The following PTPRD variants were observed in gnomAD, a reference collection of about 807,000 sequenced individuals.
PTPRD encodes receptor-type tyrosine-protein phosphatase delta.
In PTPRD, 34 loss-of-function variants were observed where a neutral mutation model predicts 214.5. The observed-to-expected ratio is 0.16, with a 90% confidence interval of 0.12 to 0.21. The LOEUF (loss-of-function observed/expected upper bound fraction) is 0.21, where lower values mean the gene tolerates loss of function less well. Ranked by LOEUF, PTPRD falls within the 10% of genes least tolerant of loss-of-function variation. PTPRD has a pLI of 1.00. For synonymous variants in PTPRD, 1,128 were observed against 845.7 expected (o/e 1.33, Z -5.79); for missense variants, 2,545 against 2,398.7 (o/e 1.06, Z -1.27).
At chr9:8,651,360 G>A (rs992644586) in intron 12 of PTPRD, among the ~76,000 whole-genome samples, 4 of 152,102 alleles carry the variant, frequency 2.6e-5, no homozygotes, top group African/African-American at 9.7e-5. Context: ...AGCAAGCAGT[G>A]ATAATAATAG....
At chr9:9,921,333 ATC>A (rs563132672) in intron 5 of PTPRD, among the ~76,000 whole-genome samples, 4 of 152,110 alleles carry the variant, frequency 2.6e-5, no homozygotes, top group South Asian at 4.1e-4. Context: ...TAAAATAGAA[ATC>A]TCTTTTTGTA....
intron 10 of PTPRD, among the ~76,000 whole-genome samples, chr9:9,113,023 G>A (rs1309107598): frequency 2.0e-5 from 3 of 151,256 alleles, no homozygotes; most frequent in African/African-American, 7.3e-5. Context: ...TCAGTGCAGG[G>A]GCTCAATTAT....
intron 3 of PTPRD, among the ~76,000 whole-genome samples, chr9:10,328,666 C>T (rs144058775): frequency 7.4e-4 from 113 of 151,762 alleles, no homozygotes; most frequent in South Asian, 1.7e-3. Context: ...TTTGATTATA[C>T]GTTACATAAG....
intron 5 of PTPRD, among the ~76,000 whole-genome samples, chr9:9,783,727 A>G (rs1008950122): frequency 4.6e-5 from 7 of 151,668 alleles, no homozygotes; most frequent in Non-Finnish European, 1.0e-4. Context: ...ATTTTAATAT[A>G]TCTTGCCAAA....
At chr9:10,139,172 C>T (rs577341710) in intron 3 of PTPRD, among the ~76,000 whole-genome samples, 2 of 151,966 alleles carry the variant, frequency 1.3e-5, no homozygotes, top group South Asian at 4.1e-4. Context: ...GCACTTAGAA[C>T]TGATGAATTA....
intron 3 of PTPRD, among the ~76,000 whole-genome samples, chr9:10,156,266 G>A (rs992327034): frequency 1.3e-5 from 2 of 151,928 alleles, no homozygotes; most frequent in African/African-American, 2.4e-5. Context: ...TTTAATGTGA[G>A]GATTTAGTGC....
chr9:8,638,874 C>T (rs2096508396), intron 12 of PTPRD, among the ~76,000 whole-genome samples: 1 of 152,032 alleles, frequency 6.6e-6, no homozygotes, highest in South Asian at 2.1e-4. Context: ...GATGGAGTCT[C>T]ACTCTGTCGC....
chr9:9,334,479 C>A (rs2043624171), intron 9 of PTPRD, among the ~76,000 whole-genome samples: 1 of 151,936 alleles, frequency 6.6e-6, no homozygotes, highest in Non-Finnish European at 1.5e-5. Flanking sequence ...ACTTTTCCAT[C>A]TGTCAAGTTC....
intron 11 of PTPRD, chr9:8,797,051 T>C (rs2096449962): frequency 6.6e-6 from 1 of 152,246 alleles, no homozygotes; most frequent in African/African-American, 2.4e-5. Context: ...TGGGATAAAC[T>C]GAAAACTGCC....
chr9:9,487,699 A>G (rs1451439278), intron 8 of PTPRD, among the ~76,000 whole-genome samples: 1 of 152,198 alleles, frequency 6.6e-6, no homozygotes, highest in Non-Finnish European at 1.5e-5. Context: ...AATATTAAAA[A>G]CAACCCATCT....
intron 12 of PTPRD, among the ~76,000 whole-genome samples, chr9:8,661,351 A>G (rs1565081816): frequency 6.6e-6 from 1 of 151,904 alleles, no homozygotes. Context: ...TCAGTCTCTT[A>G]TTTCTCATTA....
intron 11 of PTPRD, among the ~76,000 whole-genome samples, chr9:8,736,235 A>T (rs2090340739): frequency 6.6e-6 from 1 of 152,190 alleles, no homozygotes; most frequent in South Asian, 2.1e-4. Context: ...ATAATTCTTC[A>T]CGTGTTAAAT....
At chr9:9,554,699 C>G (rs866920609) in intron 8 of PTPRD, among the ~76,000 whole-genome samples, 72 of 152,026 alleles carry the variant, frequency 4.7e-4, no homozygotes, top group African/African-American at 1.7e-3. Context: ...GAATAAGAAT[C>G]TCTACACGGA....
intron 8 of PTPRD, among the ~76,000 whole-genome samples, chr9:9,521,026 C>G (rs565154887): frequency 6.6e-6 from 1 of 152,268 alleles, no homozygotes; most frequent in East Asian, 1.9e-4. Flanking sequence ...TTTTTATGCA[C>G]ACTAAATTTA....
intron 4 of PTPRD, among the ~76,000 whole-genome samples, chr9:9,966,293 T>G (rs2094694392): frequency 6.6e-6 from 1 of 152,184 alleles, no homozygotes; most frequent in Non-Finnish European, 1.5e-5. Flanking sequence ...GTTCATATCA[T>G]CAGTCACATT....
intron 3 of PTPRD, among the ~76,000 whole-genome samples, chr9:10,196,274 A>T (rs2099397760): frequency 1.3e-5 from 2 of 152,286 alleles, no homozygotes; most frequent in South Asian, 4.1e-4. Flanking sequence ...AGATTGACAT[A>T]CAATCAGTTA....
At chr9:9,014,306 G>A (rs928424867) in intron 11 of PTPRD, among the ~76,000 whole-genome samples, 9 of 151,166 alleles carry the variant, frequency 6.0e-5, no homozygotes, top group Admixed American at 4.6e-4. Context: ...GAACAGAAAT[G>A]TGCTTATGTT....
At chr9:10,304,529 A>G (rs2095989822) in intron 3 of PTPRD, among the ~76,000 whole-genome samples, 1 of 152,192 alleles carries the variant, frequency 6.6e-6, no homozygotes, top group Non-Finnish European at 1.5e-5. Context: ...TCTCAGCCCT[A>G]TATCTCCTTA....
intron 3 of PTPRD, among the ~76,000 whole-genome samples, chr9:10,054,257 T>C (rs378628): frequency 0.18 from 27,991 of 152,080 alleles, 2,931 homozygotes; most frequent in African/African-American, 0.27. Flanking sequence ...TAGATACTAT[T>C]TGTATTTATA....
Sources: gnomAD v4.1 joint callset for allele counts (sites outside exome capture counted in the v4.1 genomes callset) on GRCh38, gnomAD v4.1.1 for gene constraint, MANE v1.5 for transcripts, NCBI Gene and HGNC (gene_info 2026-07-23, HGNC 2026-07-21) for gene names.